The following GHR variants were observed in gnomAD, a reference collection of about 807,000 sequenced individuals.
GHR encodes the protein GH receptor.
In GHR, 35 loss-of-function variants were observed where a neutral mutation model predicts 67.1. The ratio of observed to expected loss-of-function variants is 0.52; its 90% CI spans 0.40 to 0.69. The LOEUF (loss-of-function observed/expected upper bound fraction) is 0.69, where lower values mean the gene tolerates loss of function less well. Ranked by LOEUF, GHR falls within the 30% of genes least tolerant of loss-of-function variation. The pLI, the probability that GHR is intolerant of heterozygous loss-of-function variation, is 0.00. For synonymous variants in GHR, 272 were observed against 269.1 expected, an observed-to-expected ratio of 1.01 and a Z score of -0.10; for missense variants, 792 against 764.6, an observed-to-expected ratio of 1.04 and a Z score of -0.42.
intron 1 of GHR, among the ~76,000 whole-genome samples, chr5:42,430,707 A>G (rs1183272132): frequency 6.6e-6 from 1 of 150,470 alleles, no homozygotes; most frequent in Non-Finnish European, 1.5e-5. Context: ...TTTTTGCTTT[A>G]TTCTAGTCTG....
intron 1 of GHR, chr5:42,467,118 A>G: frequency 6.3e-7 from 1 of 1,595,824 alleles, no homozygotes; most frequent in Non-Finnish European, 8.6e-7. Flanking sequence ...AGGCCTTCCC[A>G]CATTCATTAC....
chr5:42,580,255 T>C (rs1023245553), intron 2 of GHR, among the ~76,000 whole-genome samples: 2 of 152,200 alleles, frequency 1.3e-5, no homozygotes, highest in Non-Finnish European at 2.9e-5. Flanking sequence ...ACCTATTATT[T>C]ACTGGGTACT....
intron 2 of GHR, among the ~76,000 whole-genome samples, chr5:42,589,846 T>C (rs1751681308): frequency 6.6e-6 from 1 of 152,116 alleles, no homozygotes; most frequent in Non-Finnish European, 1.5e-5. Flanking sequence ...TACCATTACA[T>C]GGAAAGAGCC....
intron 6 of GHR, among the ~76,000 whole-genome samples, chr5:42,705,558 C>T (rs1411638137): frequency 1.3e-5 from 2 of 152,036 alleles, no homozygotes; most frequent in African/African-American, 2.4e-5. Context: ...TTCCTTCCAC[C>T]CACTACCCTC....
chr5:42,476,037 T>C (rs1008924031), intron 1 of GHR, among the ~76,000 whole-genome samples: 2 of 151,542 alleles, frequency 1.3e-5, no homozygotes, highest in African/African-American at 4.9e-5. Context: ...CCCGAGTAGC[T>C]GGAACTACAG....
At chr5:42,477,051 G>C (rs1745364051) in intron 1 of GHR, among the ~76,000 whole-genome samples, 1 of 109,490 alleles carries the variant, frequency 9.1e-6, no homozygotes, top group African/African-American at 3.7e-5. Flanking sequence ...CCCCACAACA[G>C]TCCCCAGTGT....
At chr5:42,473,345 C>G (rs1745092109) in intron 1 of GHR, among the ~76,000 whole-genome samples, 1 of 152,114 alleles carries the variant, frequency 6.6e-6, no homozygotes, top group Non-Finnish European at 1.5e-5. Context: ...ATTCTCTTGA[C>G]TCAGCCTCCC....
At chr5:42,443,976 T>C (rs539541881) in intron 1 of GHR, among the ~76,000 whole-genome samples, 1 of 151,752 alleles carries the variant, frequency 6.6e-6, no homozygotes, top group East Asian at 1.9e-4. Flanking sequence ...TAGATATAGA[T>C]ATAGATATAG....
chr5:42,713,775 T>G (rs908859987), intron 8 of GHR: 1 of 407,756 alleles, frequency 2.5e-6, no homozygotes, highest in African/African-American at 2.0e-5. Context: ...CTGGTGACTA[T>G]GCATACCTTG....
intron 1 of GHR, chr5:42,550,141 A>G: frequency 1.1e-6 from 1 of 905,074 alleles, no homozygotes; most frequent in Non-Finnish European, 1.3e-6. Context: ...TTGCTACTTG[A>G]AGTGCTTCTT....
chr5:42,717,562 A>G (rs563153592), intron 8 of GHR, among the ~76,000 whole-genome samples: 1 of 152,304 alleles, frequency 6.6e-6, no homozygotes, highest in African/African-American at 2.4e-5. Context: ...CATAATTAAT[A>G]TGAACTATAT....
chr5:42,708,058 A>T (rs1006734306), intron 6 of GHR, among the ~76,000 whole-genome samples: 4 of 152,080 alleles, frequency 2.6e-5, no homozygotes, highest in African/African-American at 9.7e-5. Context: ...TCCCTTTAGC[A>T]GTTCTTGTAA....
intron 2 of GHR, among the ~76,000 whole-genome samples, chr5:42,607,283 G>A (rs1379091435): frequency 6.6e-6 from 1 of 152,114 alleles, no homozygotes. Flanking sequence ...AATAATATAA[G>A]GAGCAAGTCC....
intron 1 of GHR, among the ~76,000 whole-genome samples, chr5:42,517,784 C>CTT (rs201050019): frequency 3.5e-5 from 5 of 142,928 alleles, no homozygotes; most frequent in Admixed American, 1.4e-4. Context: ...TCATAGTGGA[C>CTT]TTTTTTTTTT....
rs1343810599 is a variant in GHR, at chr5:42,679,061, A to G, written c.137-9829A>G. 2.1e-5 allele frequency among the ~76,000 whole-genome samples: 3 copies of G among 145,782 alleles called. No homozygotes were observed. In the East Asian group the frequency reaches 5.8e-4, roughly 28 times the overall value. On this transcript the variant is annotated intron_variant, in intron 3 of 9. Transcript: ENST00000230882. Reference sequence around the variant, plus strand: ...TTTATATTAACAATATGTAAACAATATATTAATTAGTAATATATTATACTA... The same window carrying G: ...TTTATATTAACAATATGTAAACAATGTATTAATTAGTAATATATTATACTA...
chr5:42,622,470 G>C (rs902299067), intron 2 of GHR, among the ~76,000 whole-genome samples: 11 of 152,148 alleles, frequency 7.2e-5, no homozygotes, highest in African/African-American at 2.7e-4. Flanking sequence ...TGGCAGGGAG[G>C]GGTATGGAAG....
At chr5:42,689,167 TAATC>T in intron 4 of GHR, 148 bp downstream of exon 4, 1 of 804,530 alleles carries the variant, frequency 1.2e-6, no homozygotes, top group Non-Finnish European at 2.1e-6. Flanking sequence ...AAAAAAATAT[TAATC>T]AAGCCCATCC....
At chr5:42,436,171 C>T (rs1475052781) in intron 1 of GHR, among the ~76,000 whole-genome samples, 1 of 152,128 alleles carries the variant, frequency 6.6e-6, no homozygotes, top group Non-Finnish European at 1.5e-5. Flanking sequence ...AGGCACATAG[C>T]CTTGAGTAAC....
intron 6 of GHR, among the ~76,000 whole-genome samples, chr5:42,708,085 A>G (rs1229446730): frequency 6.6e-6 from 1 of 152,108 alleles, no homozygotes; most frequent in Non-Finnish European, 1.5e-5. Context: ...TCTGTTGGTG[A>G]GGAATGGTTA....
Sources: gnomAD v4.1 joint callset for allele counts (sites outside exome capture counted in the v4.1 genomes callset) on GRCh38, gnomAD v4.1.1 for gene constraint, MANE v1.5 for transcripts, NCBI Gene and HGNC (gene_info 2026-07-23, HGNC 2026-07-21) for gene names.